PCDH9: variants seen among roughly 807,000 people sequenced by gnomAD.
PCDH9 encodes the protein protocadherin 9.
A neutral mutation model predicts 70.6 loss-of-function variants in PCDH9; 24 were observed. The ratio of observed to expected loss-of-function variants is 0.34; its 90% CI spans 0.25 to 0.48. The LOEUF (loss-of-function observed/expected upper bound fraction) is 0.48. PCDH9 is among the 20% of genes least tolerant of loss of function. PCDH9 has a pLI of 0.99. For missense variants in PCDH9, 1,281 were observed against 1,503.6 expected (o/e 0.85, Z 2.45); for synonymous variants, 562 against 558.5 (o/e 1.01, Z -0.09).
intron 4 of PCDH9, among the ~76,000 whole-genome samples, chr13:66,432,567 C>T (rs1957791221): frequency 6.6e-6 from 1 of 151,960 alleles, no homozygotes; most frequent in South Asian, 2.1e-4. Flanking sequence ...GGAAAGGCAT[C>T]TATTTATGTA....
intron 4 of PCDH9, among the ~76,000 whole-genome samples, chr13:66,594,380 A>C (rs2077075814): frequency 6.6e-6 from 1 of 151,844 alleles, no homozygotes; most frequent in Non-Finnish European, 1.5e-5. Flanking sequence ...TAAGAAAAAT[A>C]AACAGGTTTT....
At chr13:66,961,529 C>T (rs1345094970) in intron 2 of PCDH9, among the ~76,000 whole-genome samples, 8 of 152,160 alleles carry the variant, frequency 5.3e-5, no homozygotes, top group Admixed American at 4.6e-4. Flanking sequence ...TATGGTGGCT[C>T]AGGTCTATAA....
chr13:66,680,557 T>C (rs1338856604), intron 3 of PCDH9, among the ~76,000 whole-genome samples: 1 of 152,016 alleles, frequency 6.6e-6, no homozygotes, highest in Non-Finnish European at 1.5e-5. Context: ...AAAGTGTTTT[T>C]TGACAAGCTA....
chr13:66,825,422 C>T lies in PCDH9; in HGVS notation c.3138+78082G>A, dbSNP rs1313928130. 5.9e-4 allele frequency among the ~76,000 whole-genome samples: 86 copies of T among 144,886 alleles called. 1 individual carries two copies. The highest frequency in any genetic ancestry group is 2.0e-3 in the African/African-American group (80 of 39,430). ...CGCGATCTCGACTCACTGCAAGCTC[C>T]GCCTCCCGGGTTCACGCCATTCTCC... is the stretch of plus-strand genomic sequence containing the variant. On this transcript the variant is annotated intron_variant, in intron 3 of 4. Transcript: ENST00000377865.
In PCDH9 at chr13:66,604,818, A is replaced by G. The variant is rs567380896; in HGVS notation, c.3340+26392T>C. Among the ~76,000 whole-genome samples, 3 of 152,198 alleles carry G rather than the reference A, an allele frequency of 2.0e-5. No individual in the cohort carries two copies. The South Asian group carries it at 6.2e-4, about 31-fold the overall frequency. ...TCAAATACTTTTTATGTTTTTATGT[A>G]TAACTTTTCCCAACGAGATCTCTGC... On this transcript the variant is annotated intron_variant, in intron 4 of 4. Transcript: ENST00000377865.
intron 3 of PCDH9, among the ~76,000 whole-genome samples, chr13:66,903,048 T>C (rs1031023382): frequency 1.3e-5 from 2 of 151,806 alleles, no homozygotes; most frequent in African/African-American, 4.8e-5. Context: ...AAAGGAAAAC[T>C]TCATTAAAAT....
chr13:66,923,269 T>C (rs892844804), intron 2 of PCDH9, among the ~76,000 whole-genome samples: 1 of 151,600 alleles, frequency 6.6e-6, no homozygotes, highest in Non-Finnish European at 1.5e-5. Flanking sequence ...ACACATTTCA[T>C]AGCTAATTAT....
chr13:66,347,430 CA>C (rs1298490278), intron 4 of PCDH9, among the ~76,000 whole-genome samples: 2 of 151,876 alleles, frequency 1.3e-5, no homozygotes, highest in East Asian at 3.9e-4. Flanking sequence ...GGAACCAAAA[CA>C]AATGTCAGAT....
At chr13:67,048,849 C>T (rs1474011230) in intron 2 of PCDH9, among the ~76,000 whole-genome samples, 1 of 152,160 alleles carries the variant, frequency 6.6e-6, no homozygotes, top group African/African-American at 2.4e-5. Context: ...AAATCTACTG[C>T]TGGGGTTCTT....
At chr13:66,399,113 T>C (rs1200070914) in intron 4 of PCDH9, among the ~76,000 whole-genome samples, 1 of 152,184 alleles carries the variant, frequency 6.6e-6, no homozygotes, top group Non-Finnish European at 1.5e-5. Flanking sequence ...AATATTGGAA[T>C]AACAATTCCT....
intron 4 of PCDH9, among the ~76,000 whole-genome samples, chr13:66,425,558 C>T (rs548507925): frequency 7.7e-5 from 11 of 143,630 alleles, no homozygotes; most frequent in African/African-American, 1.6e-4. Context: ...TTTCAGAAAA[C>T]GAAAAAAAAA....
Position 66,943,690 on chromosome 13 carries a change from T to C in PCDH9, c.3037-40085A>G, listed in dbSNP as rs893719825. ...CTCTATAACCAAAGGATATGTGTAT[T>C]TATGCTTTGCATTAAAAAAAAGGAA... is the stretch of plus-strand genomic sequence containing the variant. On this transcript the variant is annotated intron_variant, in intron 2 of 4. Coordinates refer to ENST00000377865, the MANE Select transcript of PCDH9 (RefSeq NM_203487.3). Among the ~76,000 whole-genome samples the C allele has an allele frequency of 3.9e-5, 6 of 152,066 alleles. No homozygotes were observed. The South Asian group carries it at 1.2e-3, about 31-fold the overall frequency.
intron 3 of PCDH9, among the ~76,000 whole-genome samples, chr13:66,638,494 G>C (rs2077669071): frequency 6.6e-6 from 1 of 152,122 alleles, no homozygotes; most frequent in Non-Finnish European, 1.5e-5. Context: ...AAAAGGAATA[G>C]AAAAGTATCA....
At chr13:66,758,015 CAT>C (rs1303851049) in intron 3 of PCDH9, among the ~76,000 whole-genome samples, 4 of 151,908 alleles carry the variant, frequency 2.6e-5, no homozygotes, top group South Asian at 2.1e-4. Flanking sequence ...CCAACATTAT[CAT>C]ATGTTATTGG....
intron 2 of PCDH9, among the ~76,000 whole-genome samples, chr13:67,086,907 A>G (rs1453018918): frequency 6.6e-6 from 1 of 152,122 alleles, no homozygotes. Flanking sequence ...AAGTTATTCA[A>G]TGGGAAGAAT....
chr13:67,140,694 T>C (rs2087360503), intron 2 of PCDH9, among the ~76,000 whole-genome samples: 1 of 152,234 alleles, frequency 6.6e-6, no homozygotes, highest in South Asian at 2.1e-4. Context: ...CCTCCTCCAC[T>C]CTACTGATCT....
chr13:67,160,534 G>A (rs1478970756), intron 2 of PCDH9, among the ~76,000 whole-genome samples: 3 of 151,064 alleles, frequency 2.0e-5, no homozygotes, highest in Non-Finnish European at 2.9e-5. Context: ...GTGACAGAGC[G>A]AGACTCCGTC....
intron 4 of PCDH9, among the ~76,000 whole-genome samples, chr13:66,389,778 T>C (rs1028482021): frequency 6.6e-6 from 1 of 152,168 alleles, no homozygotes; most frequent in African/African-American, 2.4e-5. Flanking sequence ...TCCAGTTTCA[T>C]GAGGACTCAA....
chr13:67,192,062 G>A (rs1006287506), intron 2 of PCDH9, among the ~76,000 whole-genome samples: 2 of 151,782 alleles, frequency 1.3e-5, no homozygotes, highest in African/African-American at 4.8e-5. Context: ...TTTAAAAATT[G>A]GGGTAAATCA....
Sources: gnomAD v4.1 joint callset for allele counts (sites outside exome capture counted in the v4.1 genomes callset) on GRCh38, gnomAD v4.1.1 for gene constraint, MANE v1.5 for transcripts, NCBI Gene and HGNC (gene_info 2026-07-23, HGNC 2026-07-21) for gene names.